ATRNL1: variants seen among roughly 807,000 people sequenced by gnomAD.
ATRNL1 encodes attractin like 1.
A neutral mutation model predicts 182.7 loss-of-function variants in ATRNL1; 95 were observed. That is an observed-to-expected ratio of 0.52 (90% CI 0.44 to 0.62). ATRNL1 has a LOEUF of 0.62. ATRNL1 is among the 20% of genes least tolerant of loss of function. The pLI is 0.00. For synonymous variants in ATRNL1, 576 were observed against 568.3 expected, an observed-to-expected ratio of 1.01 and a Z score of -0.19; for missense variants, 1,471 against 1,679.5, an observed-to-expected ratio of 0.88 and a Z score of 2.17.
chr10:115,750,953 T>C (rs1948431480), intron 27 of ATRNL1, among the ~76,000 whole-genome samples: 2 of 152,056 alleles, frequency 1.3e-5, no homozygotes, highest in Admixed American at 6.6e-5. Context: ...GTTGAAAACA[T>C]ACTTGTGGTA....
At chr10:115,728,118 A>G (rs1483265126) in intron 27 of ATRNL1, among the ~76,000 whole-genome samples, 2 of 105,846 alleles carry the variant, frequency 1.9e-5, no homozygotes, top group African/African-American at 3.5e-5. Flanking sequence ...TACTAAAAAA[A>G]AAAAAAAAAG....
intron 10 of ATRNL1, among the ~76,000 whole-genome samples, chr10:115,244,519 A>T (rs901436128): frequency 2.6e-5 from 4 of 152,216 alleles, no homozygotes; most frequent in Non-Finnish European, 5.9e-5. Flanking sequence ...AAGTGACTAA[A>T]GTGCAGCTGA....
At chr10:115,388,170 A>G (rs115962199) in intron 19 of ATRNL1, among the ~76,000 whole-genome samples, 187 of 152,252 alleles carry the variant, frequency 1.2e-3, no homozygotes, top group African/African-American at 4.2e-3. Flanking sequence ...TAGGCCTTTT[A>G]CAGTTTTTCA....
chr10:115,442,270 G>GCT (rs71895625), intron 21 of ATRNL1, among the ~76,000 whole-genome samples: 6,557 of 100,310 alleles, frequency 0.065, 305 homozygotes, highest in Middle Eastern at 0.091. Flanking sequence ...ATTTGTGTTT[G>GCT]CTCTCTCTCT....
At chr10:115,257,221 A>G (rs1220571550) in intron 10 of ATRNL1, among the ~76,000 whole-genome samples, 1 of 152,180 alleles carries the variant, frequency 6.6e-6, no homozygotes, top group Non-Finnish European at 1.5e-5. Flanking sequence ...TAATGTTGAC[A>G]GTGGGGTTTT....
chr10:115,135,104 C>A (rs1554876301), intron 5 of ATRNL1, among the ~76,000 whole-genome samples: 1 of 152,046 alleles, frequency 6.6e-6, no homozygotes, highest in Non-Finnish European at 1.5e-5. Flanking sequence ...AAACTGGAAG[C>A]ATTCCCTTTG....
At chr10:115,632,801 G>T (rs901484798) in intron 26 of ATRNL1, among the ~76,000 whole-genome samples, 10 of 151,926 alleles carry the variant, frequency 6.6e-5, no homozygotes, top group Admixed American at 6.6e-4. Context: ...CATGAATAAT[G>T]TTATACTAAC....
At chr10:115,268,297 T>C (rs1851692048) in intron 12 of ATRNL1, 29 bp from the exon 13 acceptor site, 3 of 1,262,482 alleles carry the variant, frequency 2.4e-6, no homozygotes. Context: ...TTTTCCGTGC[T>C]GATATATCGT....
At chr10:115,323,445 C>G (rs1424959379) in intron 18 of ATRNL1, among the ~76,000 whole-genome samples, 1 of 136,370 alleles carries the variant, frequency 7.3e-6, no homozygotes, top group African/African-American at 2.8e-5. Context: ...CTCCCCTTCC[C>G]TTCCCATTTA....
chr10:115,756,609 G>A (rs1565351376), intron 27 of ATRNL1, among the ~76,000 whole-genome samples: 1 of 152,100 alleles, frequency 6.6e-6, no homozygotes, highest in South Asian at 2.1e-4. Context: ...GAATAAGTTC[G>A]ATGTGGTGCT....
At chr10:115,196,328 A>C (rs753857453) in intron 8 of ATRNL1, among the ~76,000 whole-genome samples, 1 of 152,124 alleles carries the variant, frequency 6.6e-6, no homozygotes, top group African/African-American at 2.4e-5. Context: ...TTCTAGTATC[A>C]CACTCTATTG....
intron 18 of ATRNL1, among the ~76,000 whole-genome samples, chr10:115,326,416 G>A (rs1854884838): frequency 6.6e-6 from 1 of 152,072 alleles, no homozygotes; most frequent in Admixed American, 6.6e-5. Flanking sequence ...ACAAACCACT[G>A]CTCTAGGAAA....
intron 26 of ATRNL1, among the ~76,000 whole-genome samples, chr10:115,577,068 C>G (rs1175115377): frequency 6.6e-6 from 1 of 151,610 alleles, no homozygotes; most frequent in African/African-American, 2.4e-5. Flanking sequence ...TTCTGAAGCT[C>G]TCTTTTCGGT....
intron 8 of ATRNL1, among the ~76,000 whole-genome samples, chr10:115,185,164 A>C (rs1053019972): frequency 3.9e-5 from 6 of 151,970 alleles, no homozygotes; most frequent in Non-Finnish European, 8.8e-5. Flanking sequence ...TAGATACATA[A>C]ATAAATAAGT....
intron 26 of ATRNL1, among the ~76,000 whole-genome samples, chr10:115,612,942 A>C (rs1410568844): frequency 1.3e-5 from 2 of 152,094 alleles, no homozygotes; most frequent in African/African-American, 4.8e-5. Flanking sequence ...CAACCATCTC[A>C]AGCATCTCAT....
chr10:115,447,799 G>A (rs1436050629), intron 21 of ATRNL1, among the ~76,000 whole-genome samples: 2 of 151,810 alleles, frequency 1.3e-5, no homozygotes, highest in Non-Finnish European at 2.9e-5. Flanking sequence ...AAGTGGAATT[G>A]TAGATTTATT....
At chr10:115,362,101 A>G (rs981428790) in intron 19 of ATRNL1, among the ~76,000 whole-genome samples, 1 of 152,074 alleles carries the variant, frequency 6.6e-6, no homozygotes, top group Non-Finnish European at 1.5e-5. Context: ...AAGAAAAAAA[A>G]ATTTACACTT....
chr10:115,740,558 T>A (rs1948107241), intron 27 of ATRNL1, among the ~76,000 whole-genome samples: 1 of 152,036 alleles, frequency 6.6e-6, no homozygotes. Flanking sequence ...CAGGCTGGAG[T>A]GCAGTGGCAC....
chr10:115,164,012 A>T (rs1846921835), intron 6 of ATRNL1, among the ~76,000 whole-genome samples: 1 of 152,166 alleles, frequency 6.6e-6, no homozygotes, highest in African/African-American at 2.4e-5. Context: ...TCCTTTCCTA[A>T]TTCATTGGAG....
Sources: gnomAD v4.1 joint callset for allele counts (sites outside exome capture counted in the v4.1 genomes callset) on GRCh38, gnomAD v4.1.1 for gene constraint, MANE v1.5 for transcripts, NCBI Gene and HGNC (gene_info 2026-07-23, HGNC 2026-07-21) for gene names.